Variants in SKIDA1 observed in about 807,000 individuals in gnomAD.
SKIDA1 encodes the protein SKI/DACH domain containing 1.
In SKIDA1, 18 loss-of-function variants were observed where a neutral mutation model predicts 51.4. The ratio of observed to expected loss-of-function variants is 0.35; its 90% CI spans 0.24 to 0.52. The LOEUF (loss-of-function observed/expected upper bound fraction) is 0.52. SKIDA1 is among the 20% of genes least tolerant of loss of function. The pLI is 0.95. For synonymous variants in SKIDA1, 579 were observed against 500.5 expected, an observed-to-expected ratio of 1.16 and a Z score of -2.09; for missense variants, 1,104 against 1,180.6, an observed-to-expected ratio of 0.94 and a Z score of 0.95.
At position 21,517,991 on chromosome 10, in the gene SKIDA1, G is replaced by T. The variant is rs2032293279; in HGVS notation, c.-169C>A. Reference sequence around the variant, plus strand: ...GCGAAGGAAGTGCCAAACTCTAGGCGAAATTATTGGGGGGGGGGAAACCCC... The same window carrying T: ...GCGAAGGAAGTGCCAAACTCTAGGCTAAATTATTGGGGGGGGGGAAACCCC... On this transcript the variant is annotated 5_prime_UTR_variant, in exon 4 of 4. Coordinates refer to ENST00000449193, the MANE Select transcript of SKIDA1 (RefSeq NM_207371.4). The surrounding 1 kb of genome is among the most constrained non-coding windows in gnomAD (Gnocchi z 6.9). The T allele has an allele frequency of 1.9e-6, 1 of 534,452 alleles. No homozygotes were observed. The highest frequency in any genetic ancestry group is 3.8e-5 in the Admixed American group (1 of 26,008). The allele number at this position is 534,452 out of a possible 1,614,324, so 33.1% of individuals were successfully genotyped here. A position where few individuals can be genotyped will look rare whatever the true frequency, so the allele number is the denominator to read the frequency against.
rs374992267 is a variant in SKIDA1, at chr10:21,517,294, G to A, written c.529C>T (p.Pro177Ser). Residue 177 changes from proline to serine, a missense_variant, in exon 4 of 4, where the codon CCC becomes TCC. Transcript: ENST00000449193. The surrounding 1 kb of genome is among the most constrained non-coding windows in gnomAD (Gnocchi z 6.9). ...AHLPQIFSKY[P>S]GSHYPEIVRS... The stretch of plus-strand genomic sequence containing the variant: ...ACGATCTCCGGGTAGTGCGAGCCGG[G>A]GTATTTGCTAAAAATCTGAGGTAGA... 3.3e-4 allele frequency: 488 copies of A among 1,467,120 alleles called. 1 individual carries two copies. The highest frequency in any genetic ancestry group is 5.4e-4 in the Admixed American group (21 of 38,866). The allele number at this position is 1,467,120 out of a possible 1,614,324, so 90.9% of individuals were successfully genotyped here.
At position 21,515,582 on chromosome 10, in the gene SKIDA1, G is replaced by C. The variant is rs372804043; in HGVS notation, c.2241C>G (p.Ser747=). ...GFACPEKETP[S]LNPLAQSQGL... Reference sequence around the variant, plus strand: ...CCTGACTTTGAGCCAGTGGATTTAAGGAAGGAGTTTCTTTTTCAGGGCATG... The same window carrying C: ...CCTGACTTTGAGCCAGTGGATTTAACGAAGGAGTTTCTTTTTCAGGGCATG... The change falls in exon 4 of 4, where the codon TCC becomes TCG. Residue 747 remains serine, a synonymous_variant. Transcript: ENST00000449193. The C allele has an allele frequency of 1.2e-6, 2 of 1,614,016 alleles. No homozygotes were observed. The highest frequency in any genetic ancestry group is 1.7e-6 in the Non-Finnish European group (2 of 1,179,898).
rs71393906 is a variant in SKIDA1, at chr10:21,522,266, ACCCCCCCCCCCCCCCCCCCC to A, written c.-1928-806_-1928-787del. 9.9e-5 allele frequency among the ~76,000 whole-genome samples: 3 copies of A among 30,442 alleles called. 1 individual carries two copies. Among genetic ancestry groups the A allele is most frequent in the Non-Finnish European group, 1.2e-4 (2 of 16,494 alleles). 20.0% of individuals were successfully genotyped at this position (30,442 alleles called of 152,430 possible). On this transcript the variant is annotated intron_variant, in intron 2 of 3. Coordinates refer to ENST00000449193, the MANE Select transcript of SKIDA1 (RefSeq NM_207371.4). ...CATAATTTAAATGAGGATCACAGCC[ACCCCCCCCCCCCCCCCCCCC>A]CCCCCGCCACCAGCTCTTCACCATA...
chr10:21,522,940 A>C (rs1256903673), intron 2 of SKIDA1, among the ~76,000 whole-genome samples: 1 of 152,216 alleles, frequency 6.6e-6, no homozygotes, highest in Admixed American at 6.5e-5. Context: ...AAAAGCCCTA[A>C]GAGTGTGCTT....
chr10:21,520,967 G>A (rs963911263), intron 3 of SKIDA1, among the ~76,000 whole-genome samples: 6 of 151,488 alleles, frequency 4.0e-5, no homozygotes, highest in African/African-American at 1.5e-4. Context: ...ATCTTTCTTC[G>A]TGTCTAATAC....
rs761757773 is a variant in SKIDA1, at chr10:21,515,826, T to C, written c.1997A>G (p.Lys666Arg). The C allele has an allele frequency of 3.1e-6, 5 of 1,613,984 alleles. No individual in the cohort carries two copies. The highest frequency in any genetic ancestry group is 1.7e-4 in the Middle Eastern group (1 of 6,060). Reference protein sequence around the residue: ...EVNAAGAAATKAENPCTDTGD... With the variant: ...EVNAAGAAATRAENPCTDTGD... ...TGTGTCAGTGCAGGGATTCTCGGCT[T>C]TAGTTGCTGCTGCTCCTGCAGCGTT... Residue 666 changes from lysine (K) to arginine (R), a missense_variant, in exon 4 of 4, where the codon AAA becomes AGA. By Grantham distance (26) the Lys-to-Arg change is conservative (BLOSUM62 2). Around this residue, in one of 3 missense-constraint regions of SKIDA1, gnomAD observed 938 missense variants for 886.4 expected, o/e 1.06. Coordinates refer to ENST00000449193, the MANE Select transcript of SKIDA1 (RefSeq NM_207371.4).
rs1419915242 is a variant in SKIDA1 at position 21,518,506 on chromosome 10, C to T, written c.-684G>A. On this transcript the variant is annotated 5_prime_UTR_variant, in exon 4 of 4. Coordinates refer to ENST00000449193, the MANE Select transcript of SKIDA1 (RefSeq NM_207371.4). ...GCTCAGAAACAGCCTGACTCACAGA[C>T]TTCATCAGAAGCAGTGTGTGTACGC... The T allele has an allele frequency of 6.0e-6, 1 of 165,520 alleles. No homozygotes were observed. The highest frequency in any genetic ancestry group is 1.9e-4 in the East Asian group (1 of 5,160). The allele number at this position is 165,520 out of a possible 1,614,324, so 10.3% of individuals were successfully genotyped here. A position where few individuals can be genotyped will look rare whatever the true frequency, so the allele number is the denominator to read the frequency against.
chr10:21,515,849 G>A lies in SKIDA1; in HGVS notation c.1974C>T (p.Asn658=), dbSNP rs1473600423. The change falls in exon 4 of 4, where the codon AAC becomes AAT. Residue 658 remains asparagine (N), a synonymous_variant. Transcript: ENST00000449193. ...CTTTAGTTGCTGCTGCTCCTGCAGC[G>A]TTCACTTCAGGATCAGTCTGCGAAG... ...LPSSQTDPEV[N]AAGAAATKAE... 1 of 1,614,012 alleles carries A rather than the reference G, an allele frequency of 6.2e-7. No homozygotes were observed. Among genetic ancestry groups the A allele is most frequent in the East Asian group, 2.2e-5 (1 of 44,882 alleles).
In SKIDA1 at chr10:21,514,972, A is replaced by C; in HGVS notation, c.*124T>G. The C allele has an allele frequency of 8.5e-7, 1 of 1,174,992 alleles. No individual in the cohort carries two copies. The highest frequency in any genetic ancestry group is 1.1e-6 in the Non-Finnish European group (1 of 946,136). The allele number at this position is 1,174,992 out of a possible 1,614,324, so 72.8% of individuals were successfully genotyped here. ...AAAAAGTAATCCGATTTCTGTCTTCAAAATGCGATAAACCAGGACTCCAAA... is the reference window on the plus strand; with the variant it reads ...AAAAAGTAATCCGATTTCTGTCTTCCAAATGCGATAAACCAGGACTCCAAA... On this transcript the variant is annotated 3_prime_UTR_variant, in exon 4 of 4. Coordinates refer to ENST00000449193, the MANE Select transcript of SKIDA1 (RefSeq NM_207371.4).
rs2032335919 is a variant in SKIDA1 at position 21,519,569 on chromosome 10, T to G, written c.-1747A>C. The G allele has an allele frequency of 6.0e-6, 1 of 167,064 alleles. No individual in the cohort carries two copies. Among genetic ancestry groups the G allele is most frequent in the Non-Finnish European group, 1.5e-5 (1 of 68,104 alleles). 10.3% of individuals were successfully genotyped at this position (167,064 alleles called of 1,614,324 possible). Reference sequence around the variant, plus strand: ...CTGTTCAGTGTTTGCAACTACAACATAAATGCAACCCAGGCATTTATGTGT... The same window carrying G: ...CTGTTCAGTGTTTGCAACTACAACAGAAATGCAACCCAGGCATTTATGTGT... On this transcript the variant is annotated 5_prime_UTR_variant, in exon 4 of 4. An upstream start codon of the reference 5' UTR is lost. Transcript: ENST00000449193.
At position 21,519,142 on chromosome 10, in the gene SKIDA1, A is replaced by C. The variant is rs907860645; in HGVS notation, c.-1320T>G. 1.8e-5 allele frequency: 3 copies of C among 167,122 alleles called. No homozygotes were observed. The highest frequency in any genetic ancestry group is 4.1e-4 in the South Asian group (2 of 4,836). The allele number at this position is 167,122 out of a possible 1,614,324, so 10.4% of individuals were successfully genotyped here. ...GCCAGGGTCCTGTTCACCACAGGTCAGAATTCCAGGGAGCAGATTGCTTCC... is the reference window on the plus strand; with the variant it reads ...GCCAGGGTCCTGTTCACCACAGGTCCGAATTCCAGGGAGCAGATTGCTTCC... On this transcript the variant is annotated 5_prime_UTR_variant, in exon 4 of 4. Coordinates refer to ENST00000449193, the MANE Select transcript of SKIDA1 (RefSeq NM_207371.4).
chr10:21,516,740 G>T lies in SKIDA1; in HGVS notation c.1083C>A (p.His361Gln), dbSNP rs1384839758. 6.5e-7 allele frequency: 1 copy of T among 1,549,778 alleles called. No homozygotes were observed. The highest frequency in any genetic ancestry group is 2.0e-5 in the Admixed American group (1 of 50,968). ...HRAQPPQQSH[H>Q]PPHHHRPQPH... ...GCTGCGGCCGGTGGTGGTGAGGGGGGTGGTGACTCTGCTGCGGCGGCTGGG... is the reference window on the plus strand; with the variant it reads ...GCTGCGGCCGGTGGTGGTGAGGGGGTTGGTGACTCTGCTGCGGCGGCTGGG... The change falls in exon 4 of 4, where the codon CAC (histidine) becomes CAA (glutamine). Residue 361 changes from histidine to glutamine, a missense_variant. Transcript: ENST00000449193. This position sits in a 1 kb window ranked among gnomAD's most constrained non-coding sequence, Gnocchi z 5.7.
chr10:21,518,021 A>G lies in SKIDA1; in HGVS notation c.-199T>C. 1.8e-6 allele frequency: 1 copy of G among 557,746 alleles called. No individual in the cohort carries two copies. Among genetic ancestry groups the G allele is most frequent in the Admixed American group, 3.5e-5 (1 of 28,924 alleles). 34.5% of individuals were successfully genotyped at this position (557,746 alleles called of 1,614,324 possible). On this transcript the variant is annotated 5_prime_UTR_variant, in exon 4 of 4. Coordinates refer to ENST00000449193, the MANE Select transcript of SKIDA1 (RefSeq NM_207371.4). Reference sequence around the variant, plus strand: ...TATTGGGGGGGGGGAAACCCCATGAAATTACACTGACTTGATTCTTGCTTT... The same window carrying G: ...TATTGGGGGGGGGGAAACCCCATGAGATTACACTGACTTGATTCTTGCTTT...
Position 21,516,903 on chromosome 10 carries a change from G to T in SKIDA1, c.920C>A (p.Ala307Glu). The change falls in exon 4 of 4, where the codon GCG becomes GAG. Residue 307 changes from alanine to glutamate, a missense_variant. This residue lies in a region of SKIDA1 where 938 missense variants were observed against 886.4 expected (regional missense o/e 1.06). Coordinates refer to ENST00000449193, the MANE Select transcript of SKIDA1 (RefSeq NM_207371.4). This position sits in a 1 kb window ranked among gnomAD's most constrained non-coding sequence, Gnocchi z 5.7. ...RSYKAKAAAA[A>E]AAAAAAAAAA... is the part of the protein sequence containing the mutation. ...CGCCGCCGCCGCTGCCGCCGCCGCC[G>T]CCGCCGCCGCCGCCTTGGCTTTGTA... 4.4e-6 allele frequency: 5 copies of T among 1,146,038 alleles called. No individual in the cohort carries two copies. Among genetic ancestry groups the T allele is most frequent in the East Asian group, 4.7e-5 (1 of 21,444 alleles). The allele number at this position is 1,146,038 out of a possible 1,614,324, so 71.0% of individuals were successfully genotyped here.
rs2032320978 is a variant in SKIDA1 at position 21,518,954 on chromosome 10, T to G, written c.-1132A>C. On this transcript the variant is annotated 5_prime_UTR_variant, in exon 4 of 4. Coordinates refer to ENST00000449193, the MANE Select transcript of SKIDA1 (RefSeq NM_207371.4). ...TCCAGCTCCGAAACACTGTAACAAT[T>G]CAACTGGATTTCGGTTCTCTGCTGG... 6.0e-6 allele frequency: 1 copy of G among 166,302 alleles called. No individual in the cohort carries two copies. The highest frequency in any genetic ancestry group is 1.5e-5 in the Non-Finnish European group (1 of 67,978). 10.3% of individuals were successfully genotyped at this position (166,302 alleles called of 1,614,324 possible).
chr10:21,516,735 G>A lies in SKIDA1; in HGVS notation c.1088C>T (p.Pro363Leu). Reference sequence around the variant, plus strand: ...ATGGGGCTGCGGCCGGTGGTGGTGAGGGGGGTGGTGACTCTGCTGCGGCGG... The same window carrying A: ...ATGGGGCTGCGGCCGGTGGTGGTGAAGGGGGTGGTGACTCTGCTGCGGCGG... ...AQPPQQSHHPPHHHRPQPHLG... is the reference protein window; with the variant it reads ...AQPPQQSHHPLHHHRPQPHLG... Residue 363 changes from proline (P) to leucine (L), a missense_variant, in exon 4 of 4, where the codon CCT becomes CTT. Pro to Leu is a moderately conservative substitution (Grantham distance 98, BLOSUM62 -3). Transcript: ENST00000449193. The surrounding 1 kb of genome is among the most constrained non-coding windows in gnomAD (Gnocchi z 5.7). 2.6e-6 allele frequency: 4 copies of A among 1,549,556 alleles called. No individual in the cohort carries two copies. The South Asian group carries it at 4.8e-5, about 18-fold the overall frequency.
chr10:21,516,219 G>C lies in SKIDA1; in HGVS notation c.1604C>G (p.Pro535Arg), dbSNP rs759914084. 2.5e-6 allele frequency: 4 copies of C among 1,613,884 alleles called. No homozygotes were observed. Among genetic ancestry groups the C allele is most frequent in the Non-Finnish European group, 3.4e-6 (4 of 1,179,900 alleles). ...WAPKASPVYC[P>R]ASLGSCFAEI... ...AGCGAAACAACTCCCCAGGCTGGCC[G>C]GGCAGTACACCGGAGATGCTTTGGG... The change falls in exon 4 of 4, where the codon CCG becomes CGG. Residue 535 changes from proline to arginine, a missense_variant. Pro to Arg is a moderately radical substitution (Grantham distance 103). Coordinates refer to ENST00000449193, the MANE Select transcript of SKIDA1 (RefSeq NM_207371.4). This position sits in a 1 kb window ranked among gnomAD's most constrained non-coding sequence, Gnocchi z 5.7.
At chr10:21,522,357 T>C (rs1289464652) in intron 2 of SKIDA1, among the ~76,000 whole-genome samples, 1 of 134,072 alleles carries the variant, frequency 7.5e-6, no homozygotes, top group Non-Finnish European at 1.5e-5. Flanking sequence ...TCAAAGTGAA[T>C]TCAGACAGAA....
At position 21,515,321 on chromosome 10, in the gene SKIDA1, G is replaced by A. The variant is rs1266878860; in HGVS notation, c.2502C>T (p.Ser834=). 1 of 1,614,008 alleles carries A rather than the reference G, an allele frequency of 6.2e-7. No homozygotes were observed. The highest frequency in any genetic ancestry group is 1.7e-5 in the Admixed American group (1 of 60,024). ...GCCTTTTCACTGCTGATGCTACATTGCTGGCTACCTTTTTGCGTCTGTTTA... is the reference window on the plus strand; with the variant it reads ...GCCTTTTCACTGCTGATGCTACATTACTGGCTACCTTTTTGCGTCTGTTTA... ...TVINRRKKVA[S]NVASAVKRPF... Residue 834 remains serine (S), a synonymous_variant, in exon 4 of 4, where the codon AGC becomes AGT. Coordinates refer to ENST00000449193, the MANE Select transcript of SKIDA1 (RefSeq NM_207371.4).
Sources: gnomAD v4.1 joint callset for allele counts (sites outside exome capture counted in the v4.1 genomes callset) on GRCh38, gnomAD v4.1.1 for gene constraint, gnomAD v4.1.1 regional missense constraint, Gnocchi (gnomAD v3.1) non-coding constraint, MANE v1.5 for transcripts, NCBI Gene and HGNC (gene_info 2026-07-23, HGNC 2026-07-21) for gene names.